The following TIPRL variants were observed in gnomAD, a reference collection of about 807,000 sequenced individuals.
TIPRL encodes TIP41-like protein.
TIPRL carries 10 observed loss-of-function variants against 32.3 expected under a neutral mutation model. That is an observed-to-expected ratio of 0.31 (90% CI 0.19 to 0.52). The LOEUF (loss-of-function observed/expected upper bound fraction) is 0.52. TIPRL is among the 20% of genes least tolerant of loss of function. The pLI, the probability that TIPRL is intolerant of heterozygous loss-of-function variation, is 0.96. For synonymous variants in TIPRL, 100 were observed against 114.0 expected (o/e 0.88, Z 0.78); for missense variants, 250 against 328.1 (o/e 0.76, Z 1.84).
At chr1:168,187,490 T>C (rs1700041487) in intron 3 of TIPRL, among the ~76,000 whole-genome samples, 1 of 152,212 alleles carries the variant, frequency 6.6e-6, no homozygotes, top group African/African-American at 2.4e-5. Flanking sequence ...TGTTCTGAGG[T>C]GTTGCTGATA....
chr1:168,182,748 A>C (rs1168598878), intron 1 of TIPRL, among the ~76,000 whole-genome samples: 1 of 152,254 alleles, frequency 6.6e-6, no homozygotes, highest in African/African-American at 2.4e-5. Context: ...TAGGACTGCC[A>C]CATTTTTCCA....
At chr1:168,187,830 G>C (rs948220090) in intron 3 of TIPRL, among the ~76,000 whole-genome samples, 4 of 152,118 alleles carry the variant, frequency 2.6e-5, no homozygotes, top group Admixed American at 2.0e-4. Context: ...AAAATTGGCG[G>C]GTCTGGTGGC....
At position 168,189,809 on chromosome 1, in the gene TIPRL, T is replaced by C. The variant is rs141697141; in HGVS notation, c.385-1560T>C. Among the ~76,000 whole-genome samples, 562 of 152,370 alleles carry C rather than the reference T, an allele frequency of 3.7e-3. 2 individuals carry two copies. Among genetic ancestry groups the C allele is most frequent in the Non-Finnish European group, 6.6e-3 (451 of 68,038 alleles). ...AATAGCATAAATAAGTTAAATATGATATCTCTAACTCATGCTTTGTTTTTT... is the reference window on the plus strand; with the variant it reads ...AATAGCATAAATAAGTTAAATATGACATCTCTAACTCATGCTTTGTTTTTT... On this transcript the variant is annotated intron_variant, in intron 3 of 6. Coordinates refer to ENST00000367833, the MANE Select transcript of TIPRL (RefSeq NM_152902.5).
At chr1:168,192,871 C>T (rs1277645448) in intron 4 of TIPRL, among the ~76,000 whole-genome samples, 2 of 148,636 alleles carry the variant, frequency 1.3e-5, no homozygotes, top group Admixed American at 6.8e-5. Context: ...GGGCAACAAG[C>T]GAGACTCCGT....
chr1:168,181,789 G>A (rs1260926270), intron 1 of TIPRL, among the ~76,000 whole-genome samples: 1 of 151,566 alleles, frequency 6.6e-6, no homozygotes, highest in Non-Finnish European at 1.5e-5. Flanking sequence ...GGCCGGGTGC[G>A]GTGACTCACT....
intron 3 of TIPRL, among the ~76,000 whole-genome samples, chr1:168,185,163 C>T (rs898844929): frequency 1.3e-5 from 2 of 152,118 alleles, no homozygotes; most frequent in African/African-American, 2.4e-5. Context: ...AAATGTGTTT[C>T]GGGCCTTGGT....
At position 168,200,930 on chromosome 1, in the gene TIPRL, T is replaced by A. The variant is rs1275531229; in HGVS notation, c.*884T>A. On this transcript the variant is annotated 3_prime_UTR_variant, in exon 7 of 7. Coordinates refer to ENST00000367833, the MANE Select transcript of TIPRL (RefSeq NM_152902.5). The stretch of plus-strand genomic sequence containing the variant: ...TAAAGCAACAAGATTAATTTTCTGC[T>A]TAAAATATTTGGGAAGATAGGTAAG... 4.6e-5 allele frequency: 7 copies of A among 152,296 alleles called. No individual in the cohort carries two copies. The highest frequency in any genetic ancestry group is 4.4e-5 in the Non-Finnish European group (3 of 68,000). The allele number at this position is 152,296 out of a possible 1,614,324, so 9.4% of individuals were successfully genotyped here. A position where few individuals can be genotyped will look rare whatever the true frequency, so the allele number is the denominator to read the frequency against.
intron 3 of TIPRL, 77 bp from the exon 4 acceptor site, chr1:168,191,292 A>C (rs1700093657): frequency 2.2e-6 from 3 of 1,338,656 alleles, no homozygotes; most frequent in Admixed American, 2.8e-5. Context: ...AAAGAAAAGA[A>C]AAGACTGCTT....
chr1:168,194,599 A>G (rs1000831370), intron 4 of TIPRL, among the ~76,000 whole-genome samples: 2 of 152,236 alleles, frequency 1.3e-5, no homozygotes, highest in Non-Finnish European at 2.9e-5. Flanking sequence ...GTCAAATAAT[A>G]ATGATGTGCT....
chr1:168,183,377 A>ATTTTTTTTTTTT (rs55731463), intron 1 of TIPRL, among the ~76,000 whole-genome samples: 1 of 129,782 alleles, frequency 7.7e-6, no homozygotes, highest in African/African-American at 3.0e-5. Flanking sequence ...AATTCCTGTG[A>ATTTTTTTTTTTT]TTTTTTTTTT....
At position 168,184,786 on chromosome 1, in the gene TIPRL, G is replaced by C. The variant is rs776016165; in HGVS notation, c.292G>C (p.Gly98Arg). The C allele has an allele frequency of 6.2e-7, 1 of 1,608,316 alleles. No homozygotes were observed. Among genetic ancestry groups the C allele is most frequent in the South Asian group, 1.1e-5 (1 of 90,260 alleles). Residue 98 changes from glycine to arginine, a missense_variant, in exon 3 of 7, where the codon GGT (glycine) becomes CGT (arginine). By Grantham distance (125) the Gly-to-Arg change is moderately radical. Transcript: ENST00000367833. ...AEEWQESRTE[G>R]EHSKEVIKPY... is the part of the protein sequence containing the mutation. ...CTCATTTTGGTATTTGAGGACGGAG[G>C]GTGAACACTCCAAAGAGGTTATTAA...
chr1:168,191,311 C>T lies in TIPRL; in HGVS notation c.385-58C>T, dbSNP rs1482821653. The T allele has an allele frequency of 5.5e-6, 8 of 1,446,044 alleles. No individual in the cohort carries two copies. In the Middle Eastern group the frequency reaches 1.2e-3, roughly 216 times the overall value. 89.6% of individuals were successfully genotyped at this position (1,446,044 alleles called of 1,614,324 possible). On this transcript the variant is annotated intron_variant, in intron 3 of 6. Transcript: ENST00000367833. ...AAAAGAAAAGACTGCTTTCCTGTGT[C>T]TCTGTAGCTCCTCAACTTTTTTTTT...
intron 3 of TIPRL, among the ~76,000 whole-genome samples, chr1:168,187,569 T>C (rs1358791435): frequency 6.6e-6 from 1 of 152,246 alleles, no homozygotes; most frequent in Non-Finnish European, 1.5e-5. Flanking sequence ...AGATCTGGGT[T>C]CAAAATCCCA....
intron 1 of TIPRL, 36 bp downstream of exon 1, chr1:168,179,217 G>T (rs757806400): frequency 1.2e-5 from 19 of 1,596,806 alleles, no homozygotes; most frequent in South Asian, 8.9e-5. Context: ...GGCGCTGGCC[G>T]GTTGCTGGCC....
At chr1:168,198,770 A>C in intron 5 of TIPRL, 149 bp from the exon 6 acceptor site, 1 of 634,370 alleles carries the variant, frequency 1.6e-6, no homozygotes, top group Non-Finnish European at 2.8e-6. Context: ...GTTAAATAGG[A>C]GTTATCTCAG....
intron 1 of TIPRL, among the ~76,000 whole-genome samples, chr1:168,183,689 T>C (rs1346432000): frequency 6.6e-6 from 1 of 152,204 alleles, no homozygotes; most frequent in Non-Finnish European, 1.5e-5. Flanking sequence ...TGTATATTTA[T>C]CTTATTTAGC....
chr1:168,179,644 A>G (rs990545844), intron 1 of TIPRL, among the ~76,000 whole-genome samples: 24 of 151,950 alleles, frequency 1.6e-4, no homozygotes, highest in African/African-American at 5.8e-4. Flanking sequence ...ACAGACAATT[A>G]TATTACAGCG....
At chr1:168,197,437 C>A (rs1354616227) in intron 5 of TIPRL, among the ~76,000 whole-genome samples, 1 of 151,948 alleles carries the variant, frequency 6.6e-6, no homozygotes, top group Non-Finnish European at 1.5e-5. Context: ...AGTGATAGAC[C>A]TTTTTTCTTT....
chr1:168,195,416 C>G (rs572649582), intron 4 of TIPRL, among the ~76,000 whole-genome samples: 39 of 152,282 alleles, frequency 2.6e-4, no homozygotes, highest in African/African-American at 9.1e-4. Flanking sequence ...CCCATTATAG[C>G]AGCTACCACA....
Sources: allele counts gnomAD v4.1 joint callset (sites outside exome capture counted in the v4.1 genomes callset), GRCh38; gene constraint gnomAD v4.1.1; transcripts MANE v1.5; gene names NCBI Gene and HGNC (gene_info 2026-07-23, HGNC 2026-07-21).